The following SORCS2 variants were observed in gnomAD, a reference collection of about 807,000 sequenced individuals.
The protein encoded by SORCS2 is sortilin related VPS10 domain containing receptor 2, also known as VPS10 domain-containing receptor SorCS2.
SORCS2 carries 100 observed loss-of-function variants against 141.6 expected under a neutral mutation model. The observed-to-expected ratio is 0.71, with a 90% CI of 0.60 to 0.83. The LOEUF is 0.83. Among genes scored for constraint, SORCS2 ranks in the 40% least tolerant of loss-of-function variants. The pLI, the probability that SORCS2 is intolerant of heterozygous loss-of-function variation, is 0.00. For missense variants in SORCS2, 1,646 were observed against 1,560.2 expected (o/e 1.05, Z -0.93); for synonymous variants, 789 against 676.9 (o/e 1.17, Z -2.57).
At chr4:7,589,326 G>C (rs1053769089) in intron 3 of SORCS2, among the ~76,000 whole-genome samples, 1 of 152,202 alleles carries the variant, frequency 6.6e-6, no homozygotes, top group African/African-American at 2.4e-5. Flanking sequence ...TGTTAGCGAT[G>C]ATACCAACAG....
At chr4:7,521,005 G>T (rs1733294030) in intron 2 of SORCS2, among the ~76,000 whole-genome samples, 1 of 152,222 alleles carries the variant, frequency 6.6e-6, no homozygotes, top group Admixed American at 6.5e-5. Flanking sequence ...GCCACTGCGT[G>T]GCCCAACACT....
intron 14 of SORCS2, among the ~76,000 whole-genome samples, chr4:7,707,420 C>T (rs73078571): frequency 0.011 from 1,693 of 152,260 alleles, 34 homozygotes; most frequent in African/African-American, 0.039. Context: ...AACCAGGTTT[C>T]GGGAAACTGA....
chr4:7,400,563 A>G (rs539613542), intron 2 of SORCS2, among the ~76,000 whole-genome samples: 2 of 152,222 alleles, frequency 1.3e-5, no homozygotes, highest in South Asian at 4.1e-4. Context: ...AGATCCCTGG[A>G]ACCAAACTCA....
At chr4:7,465,752 T>A (rs1325831137) in intron 2 of SORCS2, among the ~76,000 whole-genome samples, 1 of 152,240 alleles carries the variant, frequency 6.6e-6, no homozygotes, top group African/African-American at 2.4e-5. Flanking sequence ...GAGGTTGATA[T>A]GTAATCTCCA....
chr4:7,734,148 G>C (rs952670598), intron 24 of SORCS2, 124 bp from the exon 25 acceptor site: 1 of 660,422 alleles, frequency 1.5e-6, no homozygotes. Context: ...GGACAGGCAG[G>C]GGACAAGCTG....
chr4:7,435,118 C>T, intron 2 of SORCS2: 2 of 543,438 alleles, frequency 3.7e-6, no homozygotes, highest in Non-Finnish European at 6.4e-6. Context: ...TAGCAGTTTT[C>T]TGAGCCTAGC....
chr4:7,570,401 C>T (rs753083400), intron 3 of SORCS2, among the ~76,000 whole-genome samples: 133 of 152,360 alleles, frequency 8.7e-4, no homozygotes, highest in Middle Eastern at 3.4e-3. Flanking sequence ...GAGGCTGCTT[C>T]CGGGTGGGCC....
chr4:7,442,589 C>T (rs1215320860), intron 2 of SORCS2, among the ~76,000 whole-genome samples: 1 of 121,984 alleles, frequency 8.2e-6, no homozygotes, highest in Non-Finnish European at 1.7e-5. Context: ...CTGTCACAGC[C>T]CAGGTCACCA....
At chr4:7,460,002 C>A (rs1729189753) in intron 2 of SORCS2, 1 of 154,796 alleles carries the variant, frequency 6.5e-6, no homozygotes, top group African/African-American at 2.4e-5. Flanking sequence ...AGCCCAGTGG[C>A]CCTGAGCATC....
chr4:7,569,907 C>T (rs1006238854), intron 3 of SORCS2, among the ~76,000 whole-genome samples: 2 of 152,292 alleles, frequency 1.3e-5, no homozygotes, highest in Admixed American at 6.5e-5. Flanking sequence ...ACTTCCTCCT[C>T]CCCACCCCTG....
rs141362503 is a variant in SORCS2 at position 7,263,076 on chromosome 4, C to G, written c.480+69950C>G. Among the ~76,000 whole-genome samples, 1,065 of 152,266 alleles carry G rather than the reference C, an allele frequency of 7.0e-3. 10 individuals carry two copies. The highest frequency in any genetic ancestry group is 0.024 in the African/African-American group (1,005 of 41,536). On this transcript the variant is annotated intron_variant, in intron 1 of 26. Coordinates refer to ENST00000507866, the MANE Select transcript of SORCS2 (RefSeq NM_020777.3). ...GAACAGGGGCTTTGGAACCAGAGAC[C>G]TGCGATTAAATCTGGAATCATGTCA...
chr4:7,324,692 A>AAAAAC (rs1334666418), intron 1 of SORCS2, among the ~76,000 whole-genome samples: 1 of 152,228 alleles, frequency 6.6e-6, no homozygotes, highest in African/African-American at 2.4e-5. Flanking sequence ...CCACCCTGCA[A>AAAAAC]AAAACAAAAC....
At position 7,298,883 on chromosome 4, in the gene SORCS2, C is replaced by G. The variant is rs144380496; in HGVS notation, c.481-97405C>G. 8.4e-3 allele frequency among the ~76,000 whole-genome samples: 1,284 copies of G among 152,322 alleles called. 31 individuals are homozygous for G. Among genetic ancestry groups the G allele is most frequent in the African/African-American group, 0.029 (1,211 of 41,556 alleles). On this transcript the variant is annotated intron_variant, in intron 1 of 26. Transcript: ENST00000507866. ...ACTGCAGAGCCTGGCGGAATCAGCC[C>G]GCAAGCCCGCCTCCATTCAAACAAG...
At chr4:7,684,976 G>C (rs188325601) in intron 10 of SORCS2, among the ~76,000 whole-genome samples, 1 of 152,198 alleles carries the variant, frequency 6.6e-6, no homozygotes, top group African/African-American at 2.4e-5. Context: ...GCTCTGACTC[G>C]TGAACACTCA....
chr4:7,724,480 G>GTGGTGATGGTGATGGTGGTGA (rs1553808404), intron 19 of SORCS2, among the ~76,000 whole-genome samples: 1 of 71,388 alleles, frequency 1.4e-5, no homozygotes, highest in Non-Finnish European at 3.2e-5. Flanking sequence ...GGTGATGGTG[G>GTGGTGATGGTGATGGTGGTGA]TGATGGTGGT....
intron 1 of SORCS2, among the ~76,000 whole-genome samples, chr4:7,339,420 G>A (rs1471048674): frequency 1.3e-5 from 2 of 152,254 alleles, no homozygotes; most frequent in African/African-American, 4.8e-5. Flanking sequence ...GAGGCCGGAA[G>A]CCTGAGATCG....
At position 7,209,959 on chromosome 4, in the gene SORCS2, C is replaced by T. The variant is rs544506520; in HGVS notation, c.480+16833C>T. Among the ~76,000 whole-genome samples the T allele has an allele frequency of 1.9e-3, 287 of 152,294 alleles. 2 individuals are homozygous for T. The highest frequency in any genetic ancestry group is 6.6e-3 in the African/African-American group (276 of 41,560). ...AAGGGGTGAAGTCCATGGTTGGGAC[C>T]GAGCATGGTCCATGTCCTGGTGAGG... On this transcript the variant is annotated intron_variant, in intron 1 of 26. Coordinates refer to ENST00000507866, the MANE Select transcript of SORCS2 (RefSeq NM_020777.3).
At chr4:7,267,629 G>A (rs1211367602) in intron 1 of SORCS2, among the ~76,000 whole-genome samples, 1 of 152,186 alleles carries the variant, frequency 6.6e-6, no homozygotes, top group African/African-American at 2.4e-5. Context: ...TCAGGAGTTC[G>A]AGACCAGCCT....
chr4:7,700,523 T>C (rs1388607633), intron 12 of SORCS2, among the ~76,000 whole-genome samples: 1 of 152,168 alleles, frequency 6.6e-6, no homozygotes, highest in East Asian at 1.9e-4. Flanking sequence ...CTGTGGAACG[T>C]TCTTCTTCAT....
Sources: gnomAD v4.1 joint callset for allele counts (sites outside exome capture counted in the v4.1 genomes callset) on GRCh38, gnomAD v4.1.1 for gene constraint, MANE v1.5 for transcripts, NCBI Gene and HGNC (gene_info 2026-07-23, HGNC 2026-07-21) for gene names.